Variants in SPOCK3 observed in about 807,000 individuals in gnomAD.
SPOCK3 encodes testican-3.
A neutral mutation model predicts 56.6 loss-of-function variants in SPOCK3; 30 were observed. The observed-to-expected ratio is 0.53, with a 90% CI of 0.40 to 0.72. The LOEUF (loss-of-function observed/expected upper bound fraction) is 0.72. SPOCK3 is among the 30% of genes least tolerant of loss of function. SPOCK3 has a pLI of 0.00. For synonymous variants in SPOCK3, 196 were observed against 183.3 expected (o/e 1.07, Z -0.56); for missense variants, 527 against 530.0 (o/e 0.99, Z 0.06).
chr4:167,060,869 T>G (rs1755530871), intron 3 of SPOCK3, among the ~76,000 whole-genome samples: 1 of 152,054 alleles, frequency 6.6e-6, no homozygotes, highest in African/African-American at 2.4e-5. Flanking sequence ...TTCAATATCT[T>G]AACTTCTTCA....
At chr4:167,042,372 GAT>G (rs1358452844) in intron 3 of SPOCK3, among the ~76,000 whole-genome samples, 5 of 152,126 alleles carry the variant, frequency 3.3e-5, no homozygotes, top group South Asian at 2.1e-4. Context: ...CAACAAATAG[GAT>G]ATGTTATGTA....
At chr4:167,064,956 C>T (rs1755963037) in intron 2 of SPOCK3, among the ~76,000 whole-genome samples, 1 of 145,116 alleles carries the variant, frequency 6.9e-6, no homozygotes, top group South Asian at 2.2e-4. Context: ...CATTACTGCT[C>T]ACCAAATCCT....
intron 3 of SPOCK3, among the ~76,000 whole-genome samples, chr4:167,060,768 A>G (rs1328066435): frequency 6.6e-6 from 1 of 152,054 alleles, no homozygotes; most frequent in East Asian, 1.9e-4. Context: ...GCAGTTAGGA[A>G]ACAGGTTTGG....
intron 3 of SPOCK3, among the ~76,000 whole-genome samples, chr4:167,055,607 C>T (rs968029392): frequency 2.6e-5 from 4 of 152,282 alleles, no homozygotes; most frequent in East Asian, 3.9e-4. Flanking sequence ...CTGAATACTG[C>T]GCTTTTCCAA....
chr4:166,999,085 G>A (rs895966458), intron 4 of SPOCK3, among the ~76,000 whole-genome samples: 7 of 152,102 alleles, frequency 4.6e-5, no homozygotes, highest in African/African-American at 1.4e-4. Context: ...TCCCCTAGTA[G>A]GCTAACTTTA....
chr4:166,874,193 G>A (rs759793956), intron 6 of SPOCK3, among the ~76,000 whole-genome samples: 7 of 152,018 alleles, frequency 4.6e-5, no homozygotes, highest in Admixed American at 2.6e-4. Context: ...TAAGCTTGGC[G>A]TTCCTCAGCT....
chr4:167,009,463 G>A (rs1051111658), intron 3 of SPOCK3, among the ~76,000 whole-genome samples: 2 of 152,082 alleles, frequency 1.3e-5, no homozygotes, highest in Non-Finnish European at 2.9e-5. Flanking sequence ...TGGTGGTGAG[G>A]TTTTAATTTA....
In SPOCK3 at chr4:166,863,449, A is replaced by G. The variant is rs535328232; in HGVS notation, c.589+25681T>C. ...TCATACATAACAATATTAACCTTAA[A>G]TGTAAATGGGCCAAATGCCCCAATT... On this transcript the variant is annotated intron_variant, in intron 6 of 10. Coordinates refer to ENST00000357545, the MANE Select transcript of SPOCK3 (RefSeq NM_001040159.2). 1.9e-4 allele frequency among the ~76,000 whole-genome samples: 29 copies of G among 152,274 alleles called. 2 individuals are homozygous for G. In the South Asian group the frequency reaches 6.0e-3, roughly 32 times the overall value.
At chr4:167,182,053 G>C (rs1731509970) in intron 2 of SPOCK3, among the ~76,000 whole-genome samples, 1 of 152,040 alleles carries the variant, frequency 6.6e-6, no homozygotes, top group African/African-American at 2.4e-5. Flanking sequence ...GATTTTTTAA[G>C]CTACTGTCTT....
chr4:166,895,899 T>G (rs1166304298), intron 5 of SPOCK3, among the ~76,000 whole-genome samples: 1 of 152,062 alleles, frequency 6.6e-6, no homozygotes, highest in Non-Finnish European at 1.5e-5. Context: ...AAGTCTCCCC[T>G]TGAGTAAATC....
At chr4:166,962,433 A>G (rs771057569) in intron 4 of SPOCK3, among the ~76,000 whole-genome samples, 2 of 152,130 alleles carry the variant, frequency 1.3e-5, no homozygotes, top group Non-Finnish European at 2.9e-5. Flanking sequence ...TGTTGTGAGT[A>G]ATAAACCATC....
At chr4:167,158,281 T>G (rs1380983760) in intron 2 of SPOCK3, among the ~76,000 whole-genome samples, 1 of 151,966 alleles carries the variant, frequency 6.6e-6, no homozygotes, top group Non-Finnish European at 1.5e-5. Flanking sequence ...GATAATATAG[T>G]CCTCATGTCA....
intron 2 of SPOCK3, among the ~76,000 whole-genome samples, chr4:167,086,481 T>A (rs1758206843): frequency 6.6e-6 from 1 of 152,088 alleles, no homozygotes. Flanking sequence ...GGCTTTGGAA[T>A]CAGATGAGTC....
intron 2 of SPOCK3, among the ~76,000 whole-genome samples, chr4:167,116,497 T>C (rs1204781227): frequency 1.4e-5 from 2 of 141,442 alleles, no homozygotes; most frequent in Non-Finnish European, 3.0e-5. Flanking sequence ...TTTGTGTATA[T>C]ATATATATAC....
At chr4:166,805,951 A>G (rs1453092624) in intron 6 of SPOCK3, among the ~76,000 whole-genome samples, 1 of 152,134 alleles carries the variant, frequency 6.6e-6, no homozygotes, top group East Asian at 1.9e-4. Context: ...AACTGCATTC[A>G]AGTGTAGTTG....
intron 2 of SPOCK3, among the ~76,000 whole-genome samples, chr4:167,198,637 TTTTTC>T (rs1402195258): frequency 6.6e-6 from 1 of 152,172 alleles, no homozygotes; most frequent in Non-Finnish European, 1.5e-5. Context: ...TTTATTTGTG[TTTTTC>T]TTTTATTTTG....
intron 3 of SPOCK3, among the ~76,000 whole-genome samples, chr4:167,027,977 A>G (rs1751866272): frequency 6.6e-6 from 1 of 152,030 alleles, no homozygotes; most frequent in African/African-American, 2.4e-5. Flanking sequence ...ATTTATATTC[A>G]ATTGTGATCA....
At chr4:166,969,298 A>T (rs1177192760) in intron 4 of SPOCK3, among the ~76,000 whole-genome samples, 1 of 152,106 alleles carries the variant, frequency 6.6e-6, no homozygotes, top group Non-Finnish European at 1.5e-5. Flanking sequence ...GAAATGTGAG[A>T]AGGACATGAG....
intron 2 of SPOCK3, among the ~76,000 whole-genome samples, chr4:167,212,537 A>T (rs1323667921): frequency 6.6e-6 from 1 of 152,124 alleles, no homozygotes. Flanking sequence ...CACGGCGCCC[A>T]GCCAAAGATT....
Sources: gnomAD v4.1 joint callset for allele counts (sites outside exome capture counted in the v4.1 genomes callset) on GRCh38, gnomAD v4.1.1 for gene constraint, MANE v1.5 for transcripts, NCBI Gene and HGNC (gene_info 2026-07-23, HGNC 2026-07-21) for gene names.